Variants in GPR179 observed in about 807,000 individuals in gnomAD.
GPR179 encodes the protein probable G protein-coupled receptor 179.
In GPR179, 52 loss-of-function variants were observed where a neutral mutation model predicts 70.8. The observed-to-expected ratio is 0.73, with a 90% confidence interval of 0.59 to 0.93. The LOEUF (loss-of-function observed/expected upper bound fraction) is 0.93, where lower values mean the gene tolerates loss of function less well. Ranked by LOEUF, GPR179 falls within the 40% of genes least tolerant of loss-of-function variation. The probability of loss-of-function intolerance (pLI) is 0.00; values close to 1 mark genes in which losing one functional copy is unlikely to be tolerated. For synonymous variants in GPR179, 1,123 were observed against 1,169.0 expected (o/e 0.96, Z 0.80); for missense variants, 2,734 against 2,966.8 (o/e 0.92, Z 1.82).
In GPR179 at chr17:38,327,074, C is replaced by A; in HGVS notation, c.6495G>T (p.Thr2165=). The change falls in exon 11 of 11, where the codon ACG becomes ACT. Residue 2165 remains threonine (T), a synonymous_variant. Transcript: ENST00000616987. ...MFLQKAGPGG[T]EEHFSKAAAK... is the part of the protein sequence containing the mutation. ...CTGCTGCTTTTGAGAAGTGTTCTTC[C>A]GTCCCTCCAGGTCCTGCCTTCTGAA... 1 of 1,614,232 alleles carries A rather than the reference C, an allele frequency of 6.2e-7. No individual in the cohort carries two copies. The highest frequency in any genetic ancestry group is 8.5e-7 in the Non-Finnish European group (1 of 1,180,048).
At chr17:38,333,135 G>T in intron 10 of GPR179, 116 bp downstream of exon 10, 1 of 884,664 alleles carries the variant, frequency 1.1e-6, no homozygotes, top group Non-Finnish European at 1.8e-6. Context: ...GAGAGGGCAG[G>T]TCTTGGAGGG....
intron 1 of GPR179, among the ~76,000 whole-genome samples, chr17:38,342,439 AAG>A (rs2037457184): frequency 6.6e-6 from 1 of 151,482 alleles, no homozygotes; most frequent in Admixed American, 6.6e-5. Context: ...GTTCAGGTTC[AAG>A]TGATTCTCCT....
Position 38,330,464 on chromosome 17 carries a change from A to G in GPR179, c.3105T>C (p.Val1035=). The G allele has an allele frequency of 6.4e-7, 1 of 1,566,628 alleles. No homozygotes were observed. The highest frequency in any genetic ancestry group is 8.7e-7 in the Non-Finnish European group (1 of 1,153,552). Residue 1035 remains valine, a synonymous_variant, in exon 11 of 11, where the codon GTT becomes GTC. Transcript: ENST00000616987. ...ARARLWRALS[V]AVEKSRAGEN... is the part of the protein sequence containing the mutation. ...CCCCAGCCCTGCTTTTCTCTACTGC[A>G]ACAGAGAGGGCCCTCCAGAGCCTGG...
rs1367789404 is a variant in GPR179, at chr17:38,334,980, G to A, written c.1645+53C>T. The A allele has an allele frequency of 8.9e-6, 14 of 1,580,930 alleles. No individual in the cohort carries two copies. Among genetic ancestry groups the A allele is most frequent in the Non-Finnish European group, 1.2e-5 (14 of 1,154,008 alleles). On this transcript the variant is annotated intron_variant, in intron 7 of 10. Coordinates refer to ENST00000616987, the MANE Select transcript of GPR179 (RefSeq NM_001004334.4). The surrounding 1 kb of genome is among the most constrained non-coding windows in gnomAD (Gnocchi z 4.7). ...GAGAACCAGAACAAGAGGAACCCTG[G>A]AGGCACAGAGGCAGGGACCAGCGTA... is the stretch of plus-strand genomic sequence containing the variant.
intron 3 of GPR179, 57 bp from the exon 4 acceptor site, chr17:38,337,270 CCAGCCTTTTCCCTGATAGTCACCA>C (rs1330314435): frequency 2.0e-6 from 3 of 1,516,812 alleles, no homozygotes; most frequent in Admixed American, 4.0e-5. Context: ...TCCTGACATC[CCAGCCTTTTCCCTGATAGTCACCA>C]CAGCCCTCTC....
In GPR179 at chr17:38,328,008, GA is replaced by G; in HGVS notation, c.5560del (p.Ser1854ProfsTer28). 1 of 1,614,088 alleles carries G rather than the reference GA, an allele frequency of 6.2e-7. No homozygotes were observed. ...EKALEKGRLT[S>X]LGEDVSKGMA... ...CCCTTTTGATACGTCTTCTCCCAGG[GA>G]AGTGAGTCTCCCCTTTTCTAGAGCT... On this transcript the variant is annotated frameshift_variant, in exon 11 of 11. Coordinates refer to ENST00000616987, the MANE Select transcript of GPR179 (RefSeq NM_001004334.4). LOFTEE classifies it low-confidence loss of function (END_TRUNC).
intron 6 of GPR179, 89 bp downstream of exon 6, chr17:38,335,502 G>C: frequency 1.0e-6 from 1 of 977,200 alleles, no homozygotes; most frequent in Non-Finnish European, 1.6e-6. Flanking sequence ...GGGCTGGCAA[G>C]GGTCTGGCTT....
intron 3 of GPR179, among the ~76,000 whole-genome samples, 195 bp from the exon 4 acceptor site, chr17:38,337,408 G>C (rs148852412): frequency 9.2e-5 from 14 of 152,240 alleles, no homozygotes; most frequent in African/African-American, 3.4e-4. Flanking sequence ...GGCTCCTTGA[G>C]AGGCCAACTT....
At chr17:38,342,713 T>C (rs1195755289) in intron 1 of GPR179, among the ~76,000 whole-genome samples, 1 of 152,260 alleles carries the variant, frequency 6.6e-6, no homozygotes, top group East Asian at 1.9e-4. Flanking sequence ...TATTTGTATA[T>C]GCACAGGCTC....
Position 38,329,383 on chromosome 17 carries a change from G to T in GPR179, c.4186C>A (p.Gln1396Lys), listed in dbSNP as rs771605639. 4.3e-6 allele frequency: 7 copies of T among 1,614,036 alleles called. No individual in the cohort carries two copies. Among genetic ancestry groups the T allele is most frequent in the Non-Finnish European group, 5.9e-6 (7 of 1,179,982 alleles). The change falls in exon 11 of 11, where the codon CAA becomes AAA. Residue 1396 changes from glutamine to lysine, a missense_variant. By Grantham distance (53) the Gln-to-Lys change is moderately conservative. Coordinates refer to ENST00000616987, the MANE Select transcript of GPR179 (RefSeq NM_001004334.4). ...SEGGEDGKPAQEAVKDLPQEK... is the reference protein window; with the variant it reads ...SEGGEDGKPAKEAVKDLPQEK... ...TGAGGGAGATCCTTCACTGCCTCTTGGGCTGGTTTCCCATCCTCGCCTCCT... is the reference window on the plus strand; with the variant it reads ...TGAGGGAGATCCTTCACTGCCTCTTTGGCTGGTTTCCCATCCTCGCCTCCT...
chr17:38,337,652 G>T lies in GPR179; in HGVS notation c.972C>A (p.Tyr324Ter), dbSNP rs370224992. The change falls in exon 3 of 11, where the codon TAC (tyrosine) becomes TAA (stop). Residue 324 changes from tyrosine (Y) to a stop codon, truncating the protein, a stop_gained. Coordinates refer to ENST00000616987, the MANE Select transcript of GPR179 (RefSeq NM_001004334.4). LOFTEE classifies it high-confidence loss of function. ...ACATACCCCCAGAGGGGCTTGCCCC[G>T]TAGAATCCAGGTCGGCAGCGGCAGA... The part of the protein sequence containing the change: ...RYLCRCRPGF[Y>*]GASPSGGLEE... 6.2e-7 allele frequency: 1 copy of T among 1,601,120 alleles called. No homozygotes were observed. Among genetic ancestry groups the T allele is most frequent in the Admixed American group, 1.7e-5 (1 of 58,152 alleles).
intron 6 of GPR179, 122 bp from the exon 7 acceptor site, chr17:38,335,393 T>C: frequency 1.2e-6 from 1 of 852,844 alleles, no homozygotes; most frequent in Non-Finnish European, 1.8e-6. Context: ...TGTCCTTCCA[T>C]CCTTTTTGTG....
intron 9 of GPR179, 80 bp downstream of exon 9, chr17:38,333,853 G>A (rs1016202610): frequency 1.1e-5 from 12 of 1,073,706 alleles, no homozygotes; most frequent in Non-Finnish European, 1.7e-5. Context: ...CCTGCAGAGG[G>A]CGCTGCGGGA....
intron 6 of GPR179, among the ~76,000 whole-genome samples, 154 bp from the exon 7 acceptor site, chr17:38,335,425 C>G (rs1322528101): frequency 6.6e-6 from 1 of 152,212 alleles, no homozygotes; most frequent in African/African-American, 2.4e-5. Context: ...TTTGCTACCC[C>G]CCCACAAAGT....
chr17:38,327,961 G>T lies in GPR179; in HGVS notation c.5608C>A (p.Gln1870Lys), dbSNP rs1294683011. 6.2e-7 allele frequency: 1 copy of T among 1,614,172 alleles called. No homozygotes were observed. The highest frequency in any genetic ancestry group is 1.1e-5 in the South Asian group (1 of 91,080). ...SKGMAKLCQQ[Q>K]ETICIWENKD... ...TTCTCCCAAATACAAATAGTTTCCT[G>T]TTGTTGACACAGTTTTGCCATCCCT... The change falls in exon 11 of 11, where the codon CAG becomes AAG. Residue 1870 changes from glutamine to lysine, a missense_variant. Physicochemically the swap from Gln to Lys is moderately conservative, Grantham distance 53. Transcript: ENST00000616987.
In GPR179 at chr17:38,343,148, C is replaced by T; in HGVS notation, c.642G>A (p.Trp214Ter). ...CCCCCACATATCCATCTGCCTGCGG[C>T]CACTTGGGGCTGCCGAGGCTCCCTA... ...NDLGSLGSPK[W>*]PQADGYVGDT... Residue 214 changes from tryptophan to a stop codon, truncating the protein, a stop_gained, in exon 1 of 11, where the codon TGG becomes TGA. Transcript: ENST00000616987. LOFTEE classifies it high-confidence loss of function. This position sits in a 1 kb window ranked among gnomAD's most constrained non-coding sequence, Gnocchi z 4.2. 6.2e-7 allele frequency: 1 copy of T among 1,614,186 alleles called. No homozygotes were observed. The highest frequency in any genetic ancestry group is 8.5e-7 in the Non-Finnish European group (1 of 1,180,020).
At position 38,333,408 on chromosome 17, in the gene GPR179, T is replaced by C. The variant is rs11871123; in HGVS notation, c.1891-11A>G. ...CCCCAGCTTCCAGAACTGGCAGGGG[T>C]GCATAAGAGTGGGAAAAAGACTCGC... On this transcript the variant is annotated splice_polypyrimidine_tract_variant and intron_variant, in intron 9 of 10. Coordinates refer to ENST00000616987, the MANE Select transcript of GPR179 (RefSeq NM_001004334.4). 1,476,580 of 1,612,724 alleles carry C rather than the reference T, an allele frequency of 0.92. 678,596 individuals carry two copies. Among genetic ancestry groups the C allele is most frequent in the Admixed American group, 0.94 (56,313 of 59,924 alleles).
Position 38,343,227 on chromosome 17 carries a change from G to A in GPR179, c.563C>T (p.Pro188Leu). Residue 188 changes from proline (P) to leucine (L), a missense_variant, in exon 1 of 11, where the codon CCT (proline) becomes CTT (leucine). Pro to Leu is a moderately conservative substitution (Grantham distance 98). Coordinates refer to ENST00000616987, the MANE Select transcript of GPR179 (RefSeq NM_001004334.4). This position sits in a 1 kb window ranked among gnomAD's most constrained non-coding sequence, Gnocchi z 4.2. ...GGCAGGGGTGTCCAGGTCCCCAGGA[G>A]GGTTCTCCTCCTGCACCCAGTTCCC... The part of the protein sequence containing the change: ...LSGNWVQEEN[P>L]PGDLDTPALK... 1.2e-6 allele frequency: 2 copies of A among 1,614,148 alleles called. No individual in the cohort carries two copies. The highest frequency in any genetic ancestry group is 1.7e-6 in the Non-Finnish European group (2 of 1,179,998).
chr17:38,340,203 C>CAT (rs1314508678), intron 1 of GPR179, among the ~76,000 whole-genome samples: 4 of 152,200 alleles, frequency 2.6e-5, no homozygotes, highest in African/African-American at 9.6e-5. Flanking sequence ...GTGGCATGAT[C>CAT]ATAGCTCACT....
Sources: allele counts gnomAD v4.1 joint callset (sites outside exome capture counted in the v4.1 genomes callset), GRCh38; gene constraint gnomAD v4.1.1; non-coding constraint Gnocchi (gnomAD v3.1); transcripts MANE v1.5; gene names NCBI Gene and HGNC (gene_info 2026-07-23, HGNC 2026-07-21).